The following FER1L6 variants were observed in gnomAD, a reference collection of about 807,000 sequenced individuals.
FER1L6 encodes the protein fer-1-like protein 6.
In FER1L6, 177 loss-of-function variants were observed where a neutral mutation model predicts 219.2. The observed-to-expected ratio is 0.81, with a 90% confidence interval of 0.71 to 0.91. The LOEUF is 0.91. FER1L6 is among the 40% of genes least tolerant of loss of function. FER1L6 has a pLI of 0.00. For synonymous variants in FER1L6, 768 were observed against 824.3 expected (o/e 0.93, Z 1.17); for missense variants, 2,153 against 2,259.9 (o/e 0.95, Z 0.96).
intron 8 of FER1L6, 74 bp downstream of exon 8, chr8:123,975,380 CT>C: frequency 7.2e-7 from 1 of 1,386,206 alleles, no homozygotes; most frequent in Non-Finnish European, 9.9e-7. Context: ...TCCCTCACCA[CT>C]TTTCTTATGG....
intron 1 of FER1L6, among the ~76,000 whole-genome samples, chr8:123,902,658 CTTTAAG>C (rs1479714400): frequency 6.6e-6 from 1 of 152,076 alleles, no homozygotes; most frequent in Non-Finnish European, 1.5e-5. Flanking sequence ...ATTTTCACCC[CTTTAAG>C]TTTATGTGAG....
At chr8:123,924,855 C>G (rs1210896727) in intron 1 of FER1L6, 1 of 152,168 alleles carries the variant, frequency 6.6e-6, no homozygotes, top group African/African-American at 2.4e-5. Context: ...GTACTGTTCA[C>G]CTCCCTGTTC....
At chr8:123,983,582 T>C (rs1816420544) in intron 11 of FER1L6, among the ~76,000 whole-genome samples, 1 of 152,186 alleles carries the variant, frequency 6.6e-6, no homozygotes, top group Non-Finnish European at 1.5e-5. Context: ...AGTATAATTA[T>C]TAAAATGTTA....
intron 16 of FER1L6, 112 bp from the exon 17 acceptor site, chr8:124,021,438 G>A (rs7820272): frequency 0.53 from 763,099 of 1,435,308 alleles, 207,551 homozygotes; most frequent in Non-Finnish European, 0.56. Flanking sequence ...AACAGTCCAC[G>A]TGAGTGACTC....
At chr8:124,071,464 T>C in intron 30 of FER1L6, 42 bp from the exon 31 acceptor site, 1 of 1,611,380 alleles carries the variant, frequency 6.2e-7, no homozygotes, top group Non-Finnish European at 8.5e-7. Context: ...TGGTGGGACA[T>C]ATGACCATCT....
At chr8:123,901,095 ATGTC>A (rs2129733339) in intron 1 of FER1L6, among the ~76,000 whole-genome samples, 1 of 152,288 alleles carries the variant, frequency 6.6e-6, no homozygotes, top group Non-Finnish European at 1.5e-5. Flanking sequence ...TCTTCTTTGA[ATGTC>A]TGGTATAATT....
intron 39 of FER1L6, 113 bp from the exon 40 acceptor site, chr8:124,118,731 G>A: frequency 1.1e-6 from 1 of 888,418 alleles, no homozygotes; most frequent in Non-Finnish European, 1.7e-6. Context: ...TAAAGCAGCG[G>A]GATAATCAAA....
Position 124,091,490 on chromosome 8 carries a change from A to G in FER1L6, c.4459A>G (p.Asn1487Asp). 2 of 1,614,010 alleles carry G rather than the reference A, an allele frequency of 1.2e-6. No individual in the cohort carries two copies. Among genetic ancestry groups the G allele is most frequent in the South Asian group, 2.2e-5 (2 of 91,090 alleles). ...AATCCTCACTAAGCTCTGCAAAGAC[A>G]ACAAGCTGGATGGACCCTACTTTCA... ...TEILTKLCKD[N>D]KLDGPYFHPG... The change falls in exon 34 of 41, where the codon AAC becomes GAC. Residue 1487 changes from asparagine to aspartate, a missense_variant. Asn to Asp is a conservative substitution (Grantham distance 23). Coordinates refer to ENST00000522917, the MANE Select transcript of FER1L6 (RefSeq NM_001039112.2).
chr8:123,980,859 G>C, intron 11 of FER1L6, 48 bp downstream of exon 11: 2 of 1,463,234 alleles, frequency 1.4e-6, no homozygotes, highest in Non-Finnish European at 1.9e-6. Context: ...AGGTGAACCA[G>C]AGCAGGGACT....
chr8:123,885,799 C>T (rs1817190977), intron 1 of FER1L6, among the ~76,000 whole-genome samples: 1 of 152,100 alleles, frequency 6.6e-6, no homozygotes, highest in Non-Finnish European at 1.5e-5. Flanking sequence ...ATTCTTGAGC[C>T]CAGGTGCAAG....
At chr8:124,109,541 T>C (rs866523505) in intron 39 of FER1L6, among the ~76,000 whole-genome samples, 12 of 152,194 alleles carry the variant, frequency 7.9e-5, no homozygotes, top group South Asian at 2.1e-4. Flanking sequence ...AGAAAGGCCT[T>C]ACCGAGGACT....
intron 33 of FER1L6, among the ~76,000 whole-genome samples, chr8:124,085,430 C>A (rs1821740005): frequency 6.8e-6 from 1 of 147,158 alleles, no homozygotes; most frequent in African/African-American, 2.5e-5. Context: ...TTTCCATTTT[C>A]ATTTGTTTCA....
At chr8:123,977,756 G>T (rs1816154730) in intron 10 of FER1L6, 147 bp downstream of exon 10, 3 of 718,434 alleles carry the variant, frequency 4.2e-6, no homozygotes, top group Non-Finnish European at 6.8e-6. Flanking sequence ...TCCATGAATG[G>T]GTTGGGGGAT....
chr8:123,907,152 G>A (rs1489932434), intron 1 of FER1L6, among the ~76,000 whole-genome samples: 2 of 152,184 alleles, frequency 1.3e-5, no homozygotes, highest in East Asian at 1.9e-4. Context: ...TAGGACTGCA[G>A]TCTGTAGTTT....
At chr8:123,990,828 T>A (rs1346354235) in intron 12 of FER1L6, among the ~76,000 whole-genome samples, 1 of 152,212 alleles carries the variant, frequency 6.6e-6, no homozygotes, top group Non-Finnish European at 1.5e-5. Context: ...CTATGTTTTC[T>A]TCTAGGAATT....
rs555591938 is a variant in FER1L6 at position 123,966,191 on chromosome 8, G to A, written c.285G>A (p.Leu95=). ...TAACCATCACCGAGGCTCGCCAGCTGGTGGGTGAGAACATTGACCCAGTTG... is the reference window on the plus strand; with the variant it reads ...TAACCATCACCGAGGCTCGCCAGCTAGTGGGTGAGAACATTGACCCAGTTG... ...IAITITEARQ[L]VGENIDPVVT... Residue 95 remains leucine, a synonymous_variant, in exon 5 of 41, where the codon CTG becomes CTA. Coordinates refer to ENST00000522917, the MANE Select transcript of FER1L6 (RefSeq NM_001039112.2). 6.2e-6 allele frequency: 10 copies of A among 1,614,100 alleles called. No individual in the cohort carries two copies. The highest frequency in any genetic ancestry group is 3.3e-5 in the Admixed American group (2 of 60,016).
At chr8:124,116,460 A>ACACC (rs1823250218) in intron 39 of FER1L6, among the ~76,000 whole-genome samples, 1 of 151,846 alleles carries the variant, frequency 6.6e-6, no homozygotes, top group South Asian at 2.1e-4. Flanking sequence ...CATGCATGAA[A>ACACC]CACCATGCAA....
At chr8:124,027,934 A>T in intron 18 of FER1L6, among the ~76,000 whole-genome samples, 1 of 152,212 alleles carries the variant, frequency 6.6e-6, no homozygotes, top group Non-Finnish European at 1.5e-5. Context: ...GTCATTCACC[A>T]CAATTATCAA....
chr8:123,910,398 C>T (rs896487447), intron 1 of FER1L6, among the ~76,000 whole-genome samples: 29 of 152,312 alleles, frequency 1.9e-4, no homozygotes, highest in African/African-American at 7.0e-4. Flanking sequence ...TGGTAGAACA[C>T]TAGGGAGAGG....
Sources: gnomAD v4.1 joint callset for allele counts (sites outside exome capture counted in the v4.1 genomes callset) on GRCh38, gnomAD v4.1.1 for gene constraint, MANE v1.5 for transcripts, NCBI Gene and HGNC (gene_info 2026-07-23, HGNC 2026-07-21) for gene names.